EPPK1: variants seen among roughly 807,000 people sequenced by gnomAD.
EPPK1 encodes the protein epiplakin 1, also known as epiplakin.
For synonymous variants in EPPK1, 1,862 were observed against 1,721.2 expected, an observed-to-expected ratio of 1.08 and a Z score of -2.03; for missense variants, 3,823 against 3,673.3, an observed-to-expected ratio of 1.04 and a Z score of -1.05.
rs1554660757 is a variant in EPPK1, at chr8:143,870,400, G to C, written c.2854C>G (p.Gln952Glu). 2 of 1,580,938 alleles carry C rather than the reference G, an allele frequency of 1.3e-6. No individual in the cohort carries two copies. Among genetic ancestry groups the C allele is most frequent in the Non-Finnish European group, 1.7e-6 (2 of 1,169,202 alleles). Reference protein sequence around the residue: ...QRLSLYQAMRQKLLGPRVALA... With the variant: ...QRLSLYQAMREKLLGPRVALA... ...GCCACCCTGGGCCCCAGCAGCTTCT[G>C]CCTCATGGCCTGGTAGAGGCTGAGC... is the stretch of plus-strand genomic sequence containing the variant. The change falls in exon 2 of 2, where the codon CAG becomes GAG. Residue 952 changes from glutamine to glutamate, a missense_variant. By Grantham distance (29) the Gln-to-Glu change is conservative. Transcript: ENST00000615648. This position sits in a 1 kb window ranked among gnomAD's most constrained non-coding sequence, Gnocchi z 5.2.
In EPPK1 at chr8:143,867,315, T is replaced by A. The variant is rs1554659415; in HGVS notation, c.5939A>T (p.Asp1980Val). 6.2e-7 allele frequency: 1 copy of A among 1,612,528 alleles called. No homozygotes were observed. The highest frequency in any genetic ancestry group is 1.1e-5 in the South Asian group (1 of 91,068). ...CGGGATCGTGTCTCCTGTGGCCGGA[T>A]CCCTGTAGCCCGTGGCAGCTCTTTC... ...KAERAATGYRDPATGDTIPLF... is the reference protein window; with the variant it reads ...KAERAATGYRVPATGDTIPLF... Residue 1980 changes from aspartate (D) to valine (V), a missense_variant, in exon 2 of 2, where the codon GAT becomes GTT. Coordinates refer to ENST00000615648, the MANE Select transcript of EPPK1 (RefSeq NM_031308.4).
At position 143,870,180 on chromosome 8, in the gene EPPK1, G is replaced by T; in HGVS notation, c.3074C>A (p.Ala1025Asp). ...FSGKQVSVFQ[A>D]MKKGLIPWEQ... is the part of the protein sequence containing the mutation. ...CCAAGGGATGAGACCTTTCTTCATG[G>T]CCTGGAACACAGACACCTGCTTCCC... The change falls in exon 2 of 2, where the codon GCC (alanine) becomes GAC (aspartate). Residue 1025 changes from alanine (A) to aspartate (D), a missense_variant. Physicochemically the swap from Ala to Asp is moderately radical, Grantham distance 126 (BLOSUM62 -2). Coordinates refer to ENST00000615648, the MANE Select transcript of EPPK1 (RefSeq NM_031308.4). This position sits in a 1 kb window ranked among gnomAD's most constrained non-coding sequence, Gnocchi z 5.2. The T allele has an allele frequency of 6.2e-7, 1 of 1,611,666 alleles. No homozygotes were observed.
In EPPK1 at chr8:143,872,492, G is replaced by A. The variant is rs782335859; in HGVS notation, c.762C>T (p.Asp254=). The A allele has an allele frequency of 2.9e-5, 47 of 1,594,020 alleles. No individual in the cohort carries two copies. The highest frequency in any genetic ancestry group is 9.4e-5 in the African/African-American group (7 of 74,708). ...CCCGCAGACCCTGCACAGCCTGCTC[G>A]TCCAGGATGCCCACCTCCAGCAGCT... ...AAELLEVGIL[D]EQAVQGLREG... The change falls in exon 2 of 2, where the codon GAC becomes GAT. Residue 254 remains aspartate (D), a synonymous_variant. Transcript: ENST00000615648.
chr8:143,866,497 C>T lies in EPPK1; in HGVS notation c.6757G>A (p.Val2253Met), dbSNP rs1426526429. Residue 2253 changes from valine to methionine, a missense_variant, in exon 2 of 2, where the codon GTG (valine) becomes ATG (methionine). Val to Met is a conservative substitution (Grantham distance 21, BLOSUM62 1). Transcript: ENST00000615648. ...MSIYQAMWKG[V>M]LRPGTALVLL... ...ACCAGGGCCGTGCCGGGCCGCAGCA[C>T]GCCCTTCCACATGGCCTGGTAGATG... The T allele has an allele frequency of 7.2e-5, 111 of 1,547,460 alleles. No homozygotes were observed. Among genetic ancestry groups the T allele is most frequent in the South Asian group, 3.5e-4 (29 of 82,788 alleles).
Position 143,870,675 on chromosome 8 carries a change from G to A in EPPK1, c.2579C>T (p.Thr860Met), listed in dbSNP as rs375593815. ...CAGCAGCTTTGCCACCTGCCCCAGC[G>A]TGACCTCGCGCTGCCGGTAGCGACG... ...LLRRYRQREV[T>M]LGQVAKLLEA... The change falls in exon 2 of 2, where the codon ACG (threonine) becomes ATG (methionine). Residue 860 changes from threonine to methionine, a missense_variant. Thr to Met is a moderately conservative substitution (Grantham distance 81). Transcript: ENST00000615648. The surrounding 1 kb of genome is among the most constrained non-coding windows in gnomAD (Gnocchi z 5.2). The A allele has an allele frequency of 8.1e-6, 13 of 1,608,402 alleles. No homozygotes were observed. The highest frequency in any genetic ancestry group is 2.7e-5 in the African/African-American group (2 of 74,762).
In EPPK1 at chr8:143,867,634, G is replaced by A. The variant is rs372213876; in HGVS notation, c.5620C>T (p.Arg1874Cys). 6.2e-5 allele frequency: 100 copies of A among 1,613,326 alleles called. 1 individual carries two copies. In the South Asian group the frequency reaches 6.4e-4, roughly 10 times the overall value. ...GCCTGTCCCCCAGTCCTCCCCACACGAAGTGTGTGCAGGGTCTTCTGATCG... is the reference window on the plus strand; with the variant it reads ...GCCTGTCCCCCAGTCCTCCCCACACAAAGTGTGTGCAGGGTCTTCTGATCG... Reference protein sequence around the residue: ...VIDQKTLHTLRVGRTGGQALS... With the variant: ...VIDQKTLHTLCVGRTGGQALS... Residue 1874 changes from arginine (R) to cysteine (C), a missense_variant, in exon 2 of 2, where the codon CGT becomes TGT. Physicochemically the swap from Arg to Cys is radical, Grantham distance 180. Coordinates refer to ENST00000615648, the MANE Select transcript of EPPK1 (RefSeq NM_031308.4).
Position 143,867,020 on chromosome 8 carries a change from C to G in EPPK1, c.6234G>C (p.Thr2078=), listed in dbSNP as rs373075113. The G allele has an allele frequency of 2.2e-5, 36 of 1,612,722 alleles. No homozygotes were observed. Among genetic ancestry groups the G allele is most frequent in the Admixed American group, 3.3e-5 (2 of 60,004 alleles). The change falls in exon 2 of 2, where the codon ACG becomes ACC. Residue 2078 remains threonine, a synonymous_variant. Coordinates refer to ENST00000615648, the MANE Select transcript of EPPK1 (RefSeq NM_031308.4). ...TGTTCACTGGGAACAGCAGCCAGCC[C>G]GTGTCCTCTTGTGGGCGGCACCTCT... ...LQERCRPQED[T]GWLLFPVNKA...
Position 143,872,129 on chromosome 8 carries a change from G to A in EPPK1, c.1125C>T (p.Ile375=), listed in dbSNP as rs782089016. The A allele has an allele frequency of 4.5e-6, 7 of 1,567,178 alleles. No homozygotes were observed. The highest frequency in any genetic ancestry group is 2.3e-5 in the East Asian group (1 of 43,148). Residue 375 remains isoleucine, a synonymous_variant, in exon 2 of 2, where the codon ATC becomes ATT. Transcript: ENST00000615648. ...CCTTCTTCATGGCCTGGAAAAGGGGGATTTGGGAGCCACTGAAGGGGTCGT... is the reference window on the plus strand; with the variant it reads ...CCTTCTTCATGGCCTGGAAAAGGGGAATTTGGGAGCCACTGAAGGGGTCGT... ...GHHDPFSGSQ[I]PLFQAMKKGL...
rs921902664 is a variant in EPPK1, at chr8:143,869,293, C to T, written c.3961G>A (p.Glu1321Lys). ...TCTGGGTACCCGGCCGCCGCCCTCT[C>T]GGCCTGCCCGAGCTGCTCACTCAGC... The part of the protein sequence containing the change: ...RELSEQLGQA[E>K]RAAAGYPDPY... The change falls in exon 2 of 2, where the codon GAG becomes AAG. Residue 1321 changes from glutamate (E) to lysine (K), a missense_variant. Physicochemically the swap from Glu to Lys is moderately conservative, Grantham distance 56. Coordinates refer to ENST00000615648, the MANE Select transcript of EPPK1 (RefSeq NM_031308.4). 2.5e-5 allele frequency: 40 copies of T among 1,604,708 alleles called. No homozygotes were observed. The highest frequency in any genetic ancestry group is 5.3e-5 in the African/African-American group (4 of 74,808).
rs1554661088 is a variant in EPPK1, at chr8:143,871,286, T to G, written c.1968A>C (p.Pro656=). 6.2e-7 allele frequency: 1 copy of G among 1,612,776 alleles called. No individual in the cohort carries two copies. The highest frequency in any genetic ancestry group is 1.3e-5 in the African/African-American group (1 of 75,056). The change falls in exon 2 of 2, where the codon CCA becomes CCC. Residue 656 remains proline, a synonymous_variant. Coordinates refer to ENST00000615648, the MANE Select transcript of EPPK1 (RefSeq NM_031308.4). ...CAACGGAGTGCCCCTTGTTTGCTTT[T>G]GGGTCGATGATGAAGCCTGTGGCAG... ...AQAATGFIID[P]KANKGHSVEE... is the part of the protein sequence containing the mutation.
Position 143,869,618 on chromosome 8 carries a change from G to A in EPPK1, c.3636C>T (p.Gly1212=), listed in dbSNP as rs1411933214. 8.9e-6 allele frequency: 14 copies of A among 1,579,222 alleles called. No homozygotes were observed. The highest frequency in any genetic ancestry group is 2.7e-5 in the African/African-American group (2 of 74,126). The change falls in exon 2 of 2, where the codon GGC becomes GGT. Residue 1212 remains glycine (G), a synonymous_variant. Transcript: ENST00000615648. The stretch of plus-strand genomic sequence containing the variant: ...CCTCAAGGGTCTCCTGGGTGATGAT[G>A]CCAGCATCCAGCAGCCAGACAGCGG... ...EVPAVWLLDA[G]IITQETLEAL...
At position 143,873,149 on chromosome 8, in the gene EPPK1, G is replaced by T; in HGVS notation, c.105C>A (p.Pro35=). ...AMAATLGAGT[P]PRPQARSIAG... ...CTATGCTCCTGGCCTGGGGCCTGGG[G>T]GGCGTGCCGGCTCCCAGCGTGGCTG... The change falls in exon 2 of 2, where the codon CCC becomes CCA. Residue 35 remains proline (P), a synonymous_variant. Coordinates refer to ENST00000615648, the MANE Select transcript of EPPK1 (RefSeq NM_031308.4). The T allele has an allele frequency of 6.3e-7, 1 of 1,589,506 alleles. No individual in the cohort carries two copies.
chr8:143,873,285 GGTCCACCTCT>G lies in EPPK1; in HGVS notation c.-42_-33del. ...CGGCTGGTTATGCAGAGCCTGCTGA[GGTCCACCTCT>G]GTCCTGCAGGGGACAGAAAGGCTCA... On this transcript the variant is annotated 5_prime_UTR_variant, in exon 2 of 2. Transcript: ENST00000615648. The G allele has an allele frequency of 6.7e-7, 1 of 1,500,862 alleles. No homozygotes were observed. The highest frequency in any genetic ancestry group is 8.8e-7 in the Non-Finnish European group (1 of 1,132,462). The allele number at this position is 1,500,862 out of a possible 1,614,324, so 93.0% of individuals were successfully genotyped here. A position where few individuals can be genotyped will look rare whatever the true frequency, so the allele number is the denominator to read the frequency against.
rs1301183048 is a variant in EPPK1 at position 143,866,944 on chromosome 8, C to G, written c.6310G>C (p.Glu2104Gln). ...HIDDETRRAL[E>Q]AEQVEITVGR... is the part of the protein sequence containing the mutation. ...ACTGTGATTTCCACTTGCTCTGCCT[C>G]CAGGGCCCTTCTCGTCTCGTCATCG... The change falls in exon 2 of 2, where the codon GAG becomes CAG. Residue 2104 changes from glutamate (E) to glutamine (Q), a missense_variant. Physicochemically the swap from Glu to Gln is conservative, Grantham distance 29 (BLOSUM62 2). Transcript: ENST00000615648. The G allele has an allele frequency of 1.2e-6, 2 of 1,612,844 alleles. No individual in the cohort carries two copies. Among genetic ancestry groups the G allele is most frequent in the East Asian group, 4.5e-5 (2 of 44,890 alleles).
At position 143,871,008 on chromosome 8, in the gene EPPK1, A is replaced by C. The variant is rs570102962; in HGVS notation, c.2246T>G (p.Phe749Cys). The change falls in exon 2 of 2, where the codon TTC (phenylalanine) becomes TGC (cysteine). Residue 749 changes from phenylalanine to cysteine, a missense_variant. Physicochemically the swap from Phe to Cys is radical, Grantham distance 205 (BLOSUM62 -2). Coordinates refer to ENST00000615648, the MANE Select transcript of EPPK1 (RefSeq NM_031308.4). The part of the protein sequence containing the change: ...PVDVAYRRGY[F>C]DQMLNLILLD... Reference sequence around the variant, plus strand: ...CAGGATCAAGTTCAGCATCTGATCGAAGTAGCCGCGCCGGTAGGCCACGTC... The same window carrying C: ...CAGGATCAAGTTCAGCATCTGATCGCAGTAGCCGCGCCGGTAGGCCACGTC... 236 of 1,613,268 alleles carry C rather than the reference A, an allele frequency of 1.5e-4. 2 individuals are homozygous for C. The South Asian group carries it at 1.9e-3, about 13-fold the overall frequency.
upstream of EPPK1, among the ~76,000 whole-genome samples, chr8:143,878,890 C>G (rs1264257393): frequency 6.6e-6 from 1 of 152,082 alleles, no homozygotes; most frequent in Non-Finnish European, 1.5e-5. Context: ...CGTCGTGTGT[C>G]TGCTGGGTCC....
At position 143,873,230 on chromosome 8, in the gene EPPK1, A is replaced by G; in HGVS notation, c.24T>C (p.Pro8=). 3.2e-6 allele frequency: 5 copies of G among 1,573,018 alleles called. No individual in the cohort carries two copies. The highest frequency in any genetic ancestry group is 2.4e-5 in the South Asian group (2 of 84,146). MSGHTLP[P]LPVPGTNSTE... ...TGCTGTTGGTGCCTGGGACGGGAAG[A>G]GGAGGCAAGGTGTGGCCACTCATCA... Residue 8 remains proline, a synonymous_variant, in exon 2 of 2, where the codon CCT becomes CCC. Transcript: ENST00000615648.
rs199604236 is a variant in EPPK1 at position 143,868,153 on chromosome 8, C to T, written c.5101G>A (p.Val1701Met). ...IDPVHSHRVP[V>M]DVAYRCGYFD... ...TAGCCGCAGCGGTAGGCCACGTCCA[C>T]GGGCACGCGGTGGCTGTGCACGGGG... Residue 1701 changes from valine to methionine, a missense_variant, in exon 2 of 2, where the codon GTG becomes ATG. Transcript: ENST00000615648. 0.011 allele frequency: 17,155 copies of T among 1,613,178 alleles called. 111 individuals are homozygous for T. Among genetic ancestry groups the T allele is most frequent in the Non-Finnish European group, 0.013 (15,146 of 1,180,012 alleles).
rs1818915959 is a variant in EPPK1 at position 143,857,594 on chromosome 8, G to C, written c.*393C>G. On this transcript the variant is annotated 3_prime_UTR_variant, in exon 2 of 2. Transcript: ENST00000615648. ...GATGAACGTGAATAGCACATCGTTA[G>C]GGAAATAACCGCATGTAATAAAAAT... 1 of 197,386 alleles carries C rather than the reference G, an allele frequency of 5.1e-6. No individual in the cohort carries two copies. The highest frequency in any genetic ancestry group is 1.0e-5 in the Non-Finnish European group (1 of 98,278). The allele number at this position is 197,386 out of a possible 1,614,324, so 12.2% of individuals were successfully genotyped here. A position where few individuals can be genotyped will look rare whatever the true frequency, so the allele number is the denominator to read the frequency against.
Sources: gnomAD v4.1 joint callset for allele counts (sites outside exome capture counted in the v4.1 genomes callset) on GRCh38, gnomAD v4.1.1 for gene constraint, Gnocchi (gnomAD v3.1) non-coding constraint, MANE v1.5 for transcripts, NCBI Gene and HGNC (gene_info 2026-07-23, HGNC 2026-07-21) for gene names.